MED27: variants seen among roughly 807,000 people sequenced by gnomAD.
MED27 encodes mediator complex subunit 27.
MED27 carries 30 observed loss-of-function variants against 38.2 expected under a neutral mutation model. The ratio of observed to expected loss-of-function variants is 0.79; its 90% CI spans 0.59 to 1.07. The LOEUF is 1.07. Among genes scored for constraint, MED27 ranks in the 50% least tolerant of loss-of-function variants. The pLI, the probability that MED27 is intolerant of heterozygous loss-of-function variation, is 0.00. For synonymous variants in MED27, 122 were observed against 153.5 expected, an observed-to-expected ratio of 0.79 and a Z score of 1.52; for missense variants, 289 against 397.5, an observed-to-expected ratio of 0.73 and a Z score of 2.32.
intron 3 of MED27, among the ~76,000 whole-genome samples, chr9:131,994,725 A>C (rs182426101): frequency 8.9e-4 from 136 of 152,332 alleles, no homozygotes; most frequent in African/African-American, 3.1e-3. Flanking sequence ...TATTTCCATG[A>C]AATAGACAAT....
At chr9:132,001,877 T>G (rs1314845888) in intron 3 of MED27, among the ~76,000 whole-genome samples, 1 of 152,220 alleles carries the variant, frequency 6.6e-6, no homozygotes, top group Admixed American at 6.5e-5. Flanking sequence ...CTCAGCTGCA[T>G]GCAGGAATCA....
intron 2 of MED27, among the ~76,000 whole-genome samples, chr9:132,021,783 C>G (rs1445781425): frequency 6.6e-6 from 1 of 152,034 alleles, no homozygotes; most frequent in Non-Finnish European, 1.5e-5. Context: ...GGTGAAGGCC[C>G]CATGATGGGA....
intron 2 of MED27, among the ~76,000 whole-genome samples, chr9:132,049,616 G>A (rs1412909125): frequency 6.6e-6 from 1 of 152,170 alleles, no homozygotes; most frequent in African/African-American, 2.4e-5. Flanking sequence ...AGCAGAATAC[G>A]GTCAGCCCAG....
chr9:131,974,821 G>C (rs1831569233), intron 3 of MED27, among the ~76,000 whole-genome samples: 3 of 152,330 alleles, frequency 2.0e-5, no homozygotes, highest in Admixed American at 1.3e-4. Flanking sequence ...ATTCCAGTGA[G>C]TATCCTCCAT....
At chr9:131,863,229 A>C in intron 6 of MED27, 89 bp from the exon 7 acceptor site, 2 of 1,039,444 alleles carry the variant, frequency 1.9e-6, no homozygotes, top group Non-Finnish European at 3.0e-6. Context: ...TCTGTGTGAA[A>C]ACAGATCTGA....
At chr9:131,991,445 C>T (rs190514563) in intron 3 of MED27, among the ~76,000 whole-genome samples, 27 of 152,306 alleles carry the variant, frequency 1.8e-4, no homozygotes, top group African/African-American at 6.0e-4. Context: ...CCTGCCCACA[C>T]CCTACAAAGA....
intron 6 of MED27, among the ~76,000 whole-genome samples, chr9:131,870,779 C>A (rs1279892885): frequency 6.6e-6 from 1 of 152,192 alleles, no homozygotes; most frequent in East Asian, 1.9e-4. Flanking sequence ...ACCCCAGTTC[C>A]TGTCACTTAT....
At chr9:132,058,412 G>A (rs1291051774) in intron 2 of MED27, among the ~76,000 whole-genome samples, 1 of 152,092 alleles carries the variant, frequency 6.6e-6, no homozygotes, top group East Asian at 1.9e-4. Context: ...TCGTGACAGC[G>A]AGTTCATTCT....
intron 4 of MED27, among the ~76,000 whole-genome samples, chr9:131,914,328 C>T (rs7865875): frequency 6.6e-5 from 10 of 152,124 alleles, no homozygotes; most frequent in Non-Finnish European, 1.3e-4. Flanking sequence ...CTTTGGAGTC[C>T]GGCTGACTGA....
intron 2 of MED27, among the ~76,000 whole-genome samples, chr9:132,058,573 T>G (rs539870651): frequency 6.6e-6 from 1 of 152,238 alleles, no homozygotes; most frequent in Non-Finnish European, 1.5e-5. Context: ...TCCAGTGCAA[T>G]TGTAAGTTTC....
intron 2 of MED27, among the ~76,000 whole-genome samples, chr9:132,071,391 A>G (rs1295325046): frequency 2.0e-5 from 3 of 152,026 alleles, no homozygotes; most frequent in African/African-American, 7.3e-5. Flanking sequence ...CACACGAGTA[A>G]CGCACACCCC....
intron 3 of MED27, among the ~76,000 whole-genome samples, chr9:131,999,630 CA>C (rs1423019674): frequency 3.3e-5 from 5 of 151,842 alleles, no homozygotes; most frequent in Non-Finnish European, 4.4e-5. Flanking sequence ...TACTGAATTG[CA>C]AAAATGAATA....
chr9:131,928,992 G>C (rs1830530555), intron 4 of MED27, among the ~76,000 whole-genome samples: 3 of 152,234 alleles, frequency 2.0e-5, no homozygotes, highest in African/African-American at 7.2e-5. Flanking sequence ...GGAGAGCGAA[G>C]AGTAAAGAGG....
At chr9:131,909,812 T>A (rs1431050378) in intron 4 of MED27, among the ~76,000 whole-genome samples, 2 of 152,234 alleles carry the variant, frequency 1.3e-5, no homozygotes, top group South Asian at 4.1e-4. Flanking sequence ...GCTCTCTGTG[T>A]CCTTAGATAC....
intron 2 of MED27, among the ~76,000 whole-genome samples, chr9:132,045,648 T>G (rs1564338773): frequency 6.6e-6 from 1 of 152,246 alleles, no homozygotes; most frequent in Non-Finnish European, 1.5e-5. Flanking sequence ...CCAAAGGAAC[T>G]AACACCATGG....
chr9:131,864,680 C>T (rs1206680398), intron 6 of MED27, among the ~76,000 whole-genome samples: 7 of 152,372 alleles, frequency 4.6e-5, no homozygotes, highest in Middle Eastern at 3.4e-3. Context: ...GTCCGCGCCC[C>T]GCACGGTGAT....
At chr9:131,868,982 C>CTAA in intron 6 of MED27, 1 of 985,496 alleles carries the variant, frequency 1.0e-6, no homozygotes, top group Non-Finnish European at 1.2e-6. Flanking sequence ...GGCAAGGCAC[C>CTAA]TAATTAGTTT....
At position 131,872,371 on chromosome 9, in the gene MED27, A is replaced by G. The variant is rs1482290930; in HGVS notation, c.724-9231T>C. Among the ~76,000 whole-genome samples, 3 of 152,220 alleles carry G rather than the reference A, an allele frequency of 2.0e-5. No homozygotes were observed. The highest frequency in any genetic ancestry group is 4.4e-5 in the Non-Finnish European group (3 of 68,040). ...AGCTAGAAGAGCGGGCGCCTCTACT[A>G]TTCGGAGTATTTCCTCACAAGATTA... On this transcript the variant is annotated intron_variant, in intron 6 of 7. Coordinates refer to ENST00000292035, the MANE Select transcript of MED27 (RefSeq NM_004269.4). This position sits in a 1 kb window ranked among gnomAD's most constrained non-coding sequence, Gnocchi z 5.6.
Position 132,035,521 on chromosome 9 carries a change from G to A in MED27, c.349-21054C>T, listed in dbSNP as rs572669201. On this transcript the variant is annotated intron_variant, in intron 2 of 7. Transcript: ENST00000292035. ...GATGGGGGGTGGTGACGAGAGGGCC[G>A]CAATAGTAAATAGTGTGGTAAAGGA... Among the ~76,000 whole-genome samples, 3 of 152,120 alleles carry A rather than the reference G, an allele frequency of 2.0e-5. No homozygotes were observed. The South Asian group carries it at 6.2e-4, about 32-fold the overall frequency.
Sources: allele counts gnomAD v4.1 joint callset (sites outside exome capture counted in the v4.1 genomes callset), GRCh38; gene constraint gnomAD v4.1.1; non-coding constraint Gnocchi (gnomAD v3.1); transcripts MANE v1.5; gene names NCBI Gene and HGNC (gene_info 2026-07-23, HGNC 2026-07-21).